The following STK32A variants were observed in gnomAD, a reference collection of about 807,000 sequenced individuals.
STK32A encodes serine/threonine kinase 32A, also known as serine/threonine-protein kinase 32A.
Under a neutral mutation model 53.2 loss-of-function variants are expected in STK32A, and 41 were observed. That is an observed-to-expected ratio of 0.77 (90% confidence interval 0.60 to 1.00). The LOEUF (loss-of-function observed/expected upper bound fraction) is 1.00, where lower values mean the gene tolerates loss of function less well. Among genes scored for constraint, STK32A ranks in the 50% least tolerant of loss-of-function variants. STK32A has a pLI of 0.00. For missense variants in STK32A, 458 were observed against 485.8 expected (o/e 0.94, Z 0.54); for synonymous variants, 166 against 162.8 (o/e 1.02, Z -0.15).
chr5:147,340,500 T>C (rs971031383), intron 5 of STK32A, among the ~76,000 whole-genome samples: 25 of 152,162 alleles, frequency 1.6e-4, no homozygotes, highest in Non-Finnish European at 3.4e-4. Flanking sequence ...AACTAGAAAA[T>C]CTCAACTTGC....
At chr5:147,313,225 A>T (rs1753792480) in intron 4 of STK32A, among the ~76,000 whole-genome samples, 1 of 152,116 alleles carries the variant, frequency 6.6e-6, no homozygotes, top group African/African-American at 2.4e-5. Flanking sequence ...ACAGAGAGAG[A>T]CTCCGTCTTA....
chr5:147,351,630 T>TCC (rs1173858056), intron 7 of STK32A, among the ~76,000 whole-genome samples: 3 of 151,984 alleles, frequency 2.0e-5, no homozygotes, highest in Non-Finnish European at 4.4e-5. Context: ...AGGCAGATCA[T>TCC]GAGGTCAAAA....
chr5:147,383,478 A>T lies in STK32A; in HGVS notation c.1070A>T (p.Lys357Met). 2 of 1,596,342 alleles carry T rather than the reference A, an allele frequency of 1.3e-6. No individual in the cohort carries two copies. Among genetic ancestry groups the T allele is most frequent in the South Asian group, 1.1e-5 (1 of 87,592 alleles). The change falls in exon 12 of 13, where the codon AAG (lysine) becomes ATG (methionine). Residue 357 changes from lysine (K) to methionine (M), a missense_variant. Coordinates refer to ENST00000397936, the MANE Select transcript of STK32A (RefSeq NM_001112724.2). Reference protein sequence around the residue: ...LLQEHLDSVQKEFIIFNREKV... With the variant: ...LLQEHLDSVQMEFIIFNREKV... ...CAAGAGCACCTTGACTCTGTCCAGA[A>T]GGAGTTCATAATTTTCAACAGAGAA...
chr5:147,260,111 T>C (rs1400487971), intron 2 of STK32A, among the ~76,000 whole-genome samples: 3 of 136,218 alleles, frequency 2.2e-5, no homozygotes, highest in East Asian at 4.6e-4. Flanking sequence ...CTGTCTCCTC[T>C]CTGTCCCTCT....
intron 7 of STK32A, among the ~76,000 whole-genome samples, chr5:147,357,220 G>A (rs933988325): frequency 2.6e-5 from 4 of 152,044 alleles, no homozygotes; most frequent in African/African-American, 7.2e-5. Flanking sequence ...TTTCTGTTCT[G>A]AAAATTCATA....
chr5:147,323,021 C>T (rs1328560873), intron 4 of STK32A, among the ~76,000 whole-genome samples: 1 of 152,184 alleles, frequency 6.6e-6, no homozygotes. Context: ...GCACTAGGTT[C>T]TTTCCCTAGT....
At chr5:147,382,330 A>G (rs1387630743) in intron 11 of STK32A, among the ~76,000 whole-genome samples, 4 of 151,912 alleles carry the variant, frequency 2.6e-5, no homozygotes, top group Non-Finnish European at 4.4e-5. Flanking sequence ...TTGTTTGCAC[A>G]TCATTTTCTT....
chr5:147,320,346 T>G (rs1754247557), intron 4 of STK32A, among the ~76,000 whole-genome samples: 1 of 152,180 alleles, frequency 6.6e-6, no homozygotes, highest in East Asian at 1.9e-4. Flanking sequence ...TCTTTTGGCT[T>G]ATTTGGTAAC....
chr5:147,386,829 G>A lies in STK32A; in HGVS notation c.*2846G>A, dbSNP rs1310638792. On this transcript the variant is annotated 3_prime_UTR_variant, in exon 13 of 13. Transcript: ENST00000397936. ...TCCCACCACTGTGCATTTTAAACAT[G>A]AGAACAAAAAACTTTTCCAAAATTT... 12 of 152,282 alleles carry A rather than the reference G, an allele frequency of 7.9e-5. No homozygotes were observed. Among genetic ancestry groups the A allele is most frequent in the Admixed American group, 5.9e-4 (9 of 15,300 alleles). The allele number at this position is 152,282 out of a possible 1,614,324, so 9.4% of individuals were successfully genotyped here.
intron 4 of STK32A, among the ~76,000 whole-genome samples, chr5:147,323,570 T>C (rs1053380411): frequency 1.3e-5 from 2 of 152,228 alleles, no homozygotes; most frequent in Non-Finnish European, 2.9e-5. Flanking sequence ...TAGCAATAAA[T>C]GGATAACTTG....
chr5:147,253,557 T>C (rs1003143496), intron 2 of STK32A, among the ~76,000 whole-genome samples: 12 of 152,176 alleles, frequency 7.9e-5, no homozygotes, highest in Non-Finnish European at 1.5e-4. Context: ...GGTTTCACCA[T>C]GTTGGCCAGG....
At chr5:147,259,989 CCTCT>C (rs1226876825) in intron 2 of STK32A, among the ~76,000 whole-genome samples, 4 of 138,408 alleles carry the variant, frequency 2.9e-5, no homozygotes, top group Admixed American at 1.5e-4. Flanking sequence ...GTCTCTTTGT[CCTCT>C]CTCTCTTTCT....
intron 2 of STK32A, among the ~76,000 whole-genome samples, chr5:147,248,121 C>CAAAA (rs34098316): frequency 5.0e-5 from 4 of 80,114 alleles, no homozygotes; most frequent in Non-Finnish European, 8.5e-5. Context: ...AACTCCGTCT[C>CAAAA]AAAAAAAAAA....
At chr5:147,265,743 T>C (rs1226598456) in intron 2 of STK32A, among the ~76,000 whole-genome samples, 1 of 152,136 alleles carries the variant, frequency 6.6e-6, no homozygotes, top group Non-Finnish European at 1.5e-5. Context: ...AGCAAAGCCG[T>C]GGCTCCTAGG....
chr5:147,348,299 A>G (rs974352503), intron 6 of STK32A, among the ~76,000 whole-genome samples: 2 of 152,230 alleles, frequency 1.3e-5, no homozygotes, highest in Non-Finnish European at 2.9e-5. Context: ...CTGACGTGTA[A>G]TGAGTACTCA....
chr5:147,260,399 C>T (rs1318310345), intron 2 of STK32A, among the ~76,000 whole-genome samples: 1 of 151,698 alleles, frequency 6.6e-6, no homozygotes, highest in South Asian at 2.1e-4. Flanking sequence ...CTGTTCTCCC[C>T]TCTCCTTCCT....
intron 2 of STK32A, among the ~76,000 whole-genome samples, chr5:147,242,996 A>G (rs542252945): frequency 6.6e-6 from 1 of 152,208 alleles, no homozygotes; most frequent in Admixed American, 6.5e-5. Flanking sequence ...TTTTATATAC[A>G]TAATCATAAT....
Position 147,370,714 on chromosome 5 carries a change from A to G in STK32A, c.721A>G (p.Thr241Ala), listed in dbSNP as rs752095296. The G allele has an allele frequency of 3.7e-6, 6 of 1,612,718 alleles. No homozygotes were observed. Among genetic ancestry groups the G allele is most frequent in the Non-Finnish European group, 5.1e-6 (6 of 1,178,954 alleles). ...GGAAATTGTACACACGTTTGAGACG[A>G]CTGTTGTAACTTACCCTTCTGCCTG... ...SKEIVHTFET[T>A]VVTYPSAWSQ... The change falls in exon 9 of 13, where the codon ACT (threonine) becomes GCT (alanine). Residue 241 changes from threonine (T) to alanine (A), a missense_variant. Coordinates refer to ENST00000397936, the MANE Select transcript of STK32A (RefSeq NM_001112724.2).
At chr5:147,329,469 A>G (rs1754757082) in intron 5 of STK32A, among the ~76,000 whole-genome samples, 1 of 152,268 alleles carries the variant, frequency 6.6e-6, no homozygotes, top group Non-Finnish European at 1.5e-5. Flanking sequence ...CATGGGGAAG[A>G]AGACAATCCC....
Sources: gnomAD v4.1 joint callset for allele counts (sites outside exome capture counted in the v4.1 genomes callset) on GRCh38, gnomAD v4.1.1 for gene constraint, MANE v1.5 for transcripts, NCBI Gene and HGNC (gene_info 2026-07-23, HGNC 2026-07-21) for gene names.